The following HTRA1 variants were observed in gnomAD, a reference collection of about 807,000 sequenced individuals.
The protein encoded by HTRA1 is HtrA serine peptidase 1, also known as serine protease HTRA1.
A neutral mutation model predicts 49.7 loss-of-function variants in HTRA1; 26 were observed. The ratio of observed to expected loss-of-function variants is 0.52; its 90% CI spans 0.38 to 0.73. The LOEUF (loss-of-function observed/expected upper bound fraction) is 0.73. HTRA1 is among the 30% of genes least tolerant of loss of function. HTRA1 has a pLI of 0.00. For synonymous variants in HTRA1, 291 were observed against 286.9 expected, an observed-to-expected ratio of 1.01 and a Z score of -0.14; for missense variants, 561 against 667.2, an observed-to-expected ratio of 0.84 and a Z score of 1.75.
chr10:122,473,246 C>T (rs2097486931), intron 1 of HTRA1, among the ~76,000 whole-genome samples: 1 of 152,066 alleles, frequency 6.6e-6, no homozygotes, highest in African/African-American at 2.4e-5. Flanking sequence ...GTCGGCTTGT[C>T]CTTCTAACAC....
At chr10:122,501,760 G>A (rs1394857588) in intron 3 of HTRA1, among the ~76,000 whole-genome samples, 2 of 152,202 alleles carry the variant, frequency 1.3e-5, no homozygotes, top group Non-Finnish European at 1.5e-5. Flanking sequence ...TGCTTCCACA[G>A]CATGGTCATG....
chr10:122,492,304 C>T (rs1019457459), intron 3 of HTRA1, among the ~76,000 whole-genome samples: 2 of 152,090 alleles, frequency 1.3e-5, no homozygotes, highest in African/African-American at 4.8e-5. Flanking sequence ...CTTGGAGGGG[C>T]CCCCGTTGTC....
chr10:122,500,869 C>T lies in HTRA1; in HGVS notation c.778-5822C>T, dbSNP rs189795502. ...CGTGCACAGACCTCCCCTCCCTTCCCGTGGTGGGCCCCTGCTTGGGTTCTT... is the reference window on the plus strand; with the variant it reads ...CGTGCACAGACCTCCCCTCCCTTCCTGTGGTGGGCCCCTGCTTGGGTTCTT... On this transcript the variant is annotated intron_variant, in intron 3 of 8. Transcript: ENST00000368984. 2.5e-4 allele frequency among the ~76,000 whole-genome samples: 38 copies of T among 152,294 alleles called. 1 individual carries two copies. Among genetic ancestry groups the T allele is most frequent in the Admixed American group, 1.4e-3 (22 of 15,308 alleles).
At chr10:122,489,091 G>A (rs1385218851) in intron 2 of HTRA1, 90 bp downstream of exon 2, 27 of 903,596 alleles carry the variant, frequency 3.0e-5, no homozygotes, top group Non-Finnish European at 4.6e-5. Flanking sequence ...ACATTAAAGT[G>A]TCAAAGTGTC....
At position 122,512,065 on chromosome 10, in the gene HTRA1, C is replaced by G. The variant is rs372750076; in HGVS notation, c.1274C>G (p.Ala425Gly). 6.3e-7 allele frequency: 1 copy of G among 1,594,342 alleles called. No homozygotes were observed. The highest frequency in any genetic ancestry group is 1.3e-5 in the African/African-American group (1 of 74,518). The change falls in exon 8 of 9, where the codon GCT becomes GGT. Residue 425 changes from alanine to glycine, a missense_variant and splice_region_variant. Around this residue, in one of 3 missense-constraint regions of HTRA1, gnomAD observed 179 missense variants for 173.4 expected, o/e 1.03. Coordinates refer to ENST00000368984, the MANE Select transcript of HTRA1 (RefSeq NM_002775.5). Reference sequence around the variant, plus strand: ...GTAATTCCTGATACCCCAGCAGAAGCGTGAGTTGGAGTCGTTTTCTCTTTT... The same window carrying G: ...GTAATTCCTGATACCCCAGCAGAAGGGTGAGTTGGAGTCGTTTTCTCTTTT... The part of the protein sequence containing the change: ...IEVIPDTPAE[A>G]GGLKENDVII...
chr10:122,475,984 G>A (rs2097488290), intron 1 of HTRA1, among the ~76,000 whole-genome samples: 1 of 152,236 alleles, frequency 6.6e-6, no homozygotes, highest in South Asian at 2.1e-4. Context: ...GGAAAGAAAT[G>A]AGTGTTGTGG....
chr10:122,497,326 C>T (rs1462917423), intron 3 of HTRA1, among the ~76,000 whole-genome samples: 1 of 152,126 alleles, frequency 6.6e-6, no homozygotes, highest in Non-Finnish European at 1.5e-5. Context: ...TGTTCATTGA[C>T]CATATCAAAT....
rs762442712 is a variant in HTRA1 at position 122,464,914 on chromosome 10, G to T, written c.472+2790G>T. On this transcript the variant is annotated intron_variant, in intron 1 of 8. Coordinates refer to ENST00000368984, the MANE Select transcript of HTRA1 (RefSeq NM_002775.5). This position sits in a 1 kb window ranked among gnomAD's most constrained non-coding sequence, Gnocchi z 4.8. The stretch of plus-strand genomic sequence containing the variant: ...CCTGGAGTTGGAGCAAGTCATACAC[G>T]GATCTGGAGACAGAGCTCTCGAGGC... 6.6e-6 allele frequency among the ~76,000 whole-genome samples: 1 copy of T among 152,174 alleles called. No homozygotes were observed. Among genetic ancestry groups the T allele is most frequent in the East Asian group, 1.9e-4 (1 of 5,182 alleles).
chr10:122,475,374 C>A (rs896578894), intron 1 of HTRA1, among the ~76,000 whole-genome samples: 3 of 152,178 alleles, frequency 2.0e-5, no homozygotes, highest in Non-Finnish European at 4.4e-5. Flanking sequence ...CAAGTCGAGG[C>A]CAGGCTCCCG....
intron 3 of HTRA1, among the ~76,000 whole-genome samples, chr10:122,504,785 A>G (rs1565432682): frequency 6.6e-6 from 1 of 152,174 alleles, no homozygotes; most frequent in Non-Finnish European, 1.5e-5. Flanking sequence ...CACTGCGCTG[A>G]GCTCGCTGGT....
In HTRA1 at chr10:122,494,307, C is replaced by G. The variant is rs1435062715; in HGVS notation, c.777+4681C>G. 2.0e-5 allele frequency among the ~76,000 whole-genome samples: 3 copies of G among 152,048 alleles called. No individual in the cohort carries two copies. Among genetic ancestry groups the G allele is most frequent in the Non-Finnish European group, 4.4e-5 (3 of 68,002 alleles). ...GTAGGACGTTCACAGCTGTCTGCCCCGGAGGAAGCAAGGGCACCCGCCACA... is the reference window on the plus strand; with the variant it reads ...GTAGGACGTTCACAGCTGTCTGCCCGGGAGGAAGCAAGGGCACCCGCCACA... On this transcript the variant is annotated intron_variant, in intron 3 of 8. Coordinates refer to ENST00000368984, the MANE Select transcript of HTRA1 (RefSeq NM_002775.5). The surrounding 1 kb of genome is among the most constrained non-coding windows in gnomAD (Gnocchi z 4.0).
intron 4 of HTRA1, among the ~76,000 whole-genome samples, 195 bp from the exon 5 acceptor site, chr10:122,507,175 C>T (rs562236287): frequency 3.6e-4 from 55 of 152,214 alleles, no homozygotes; most frequent in African/African-American, 1.3e-3. Flanking sequence ...TCCCTGTTTA[C>T]GGCACCTCTA....
intron 1 of HTRA1, among the ~76,000 whole-genome samples, chr10:122,485,699 A>G (rs1395764090): frequency 1.3e-5 from 2 of 152,196 alleles, no homozygotes; most frequent in Admixed American, 1.3e-4. Context: ...CATTTTACCC[A>G]GCAAAATCCA....
In HTRA1 at chr10:122,489,045, C is replaced by T. The variant is rs1479267064; in HGVS notation, c.572+44C>T. 6.0e-6 allele frequency: 8 copies of T among 1,331,706 alleles called. No individual in the cohort carries two copies. The South Asian group carries it at 8.2e-5, about 14-fold the overall frequency. The allele number at this position is 1,331,706 out of a possible 1,614,324, so 82.5% of individuals were successfully genotyped here. ...TTTCCTATAACCTCCGAAGCTTTCA[C>T]CGCCACTAGCAAAACATGAGAGCTA... On this transcript the variant is annotated intron_variant, in intron 2 of 8. Coordinates refer to ENST00000368984, the MANE Select transcript of HTRA1 (RefSeq NM_002775.5).
rs763566451 is a variant in HTRA1 at position 122,464,955 on chromosome 10, G to A, written c.472+2831G>A. On this transcript the variant is annotated intron_variant, in intron 1 of 8. Transcript: ENST00000368984. The surrounding 1 kb of genome is among the most constrained non-coding windows in gnomAD (Gnocchi z 4.8). ...CTCTCGAGGCAGGAGCGGGTGCTGC[G>A]ATTTCAAATATTATAAGGTGGCTTT... Among the ~76,000 whole-genome samples the A allele has an allele frequency of 6.6e-5, 10 of 152,158 alleles. No homozygotes were observed. Among genetic ancestry groups the A allele is most frequent in the Admixed American group, 1.3e-4 (2 of 15,272 alleles).
chr10:122,514,198 C>G lies in HTRA1; in HGVS notation c.1282C>G (p.Leu428Val), dbSNP rs750454049. The change falls in exon 9 of 9, where the codon CTC (leucine) becomes GTC (valine). Residue 428 changes from leucine to valine, a missense_variant. Leu to Val is a conservative substitution (Grantham distance 32, BLOSUM62 1). Transcript: ENST00000368984. ...IPDTPAEAGGLKENDVIISIN... is the reference protein window; with the variant it reads ...IPDTPAEAGGVKENDVIISIN... ...TTTCCCTTTGTGTTGCAGTGGTGGT[C>G]TCAAGGAAAACGACGTCATAATCAG... The G allele has an allele frequency of 6.2e-7, 1 of 1,613,754 alleles. No individual in the cohort carries two copies. Among genetic ancestry groups the G allele is most frequent in the Non-Finnish European group, 8.5e-7 (1 of 1,179,916 alleles).
In HTRA1 at chr10:122,477,191, T is replaced by G. The variant is rs546098157; in HGVS notation, c.473-11711T>G. Among the ~76,000 whole-genome samples, 174 of 152,172 alleles carry G rather than the reference T, an allele frequency of 1.1e-3. 1 individual carries two copies. The highest frequency in any genetic ancestry group is 4.1e-3 in the African/African-American group (172 of 41,534). ...ACTGTGTTAGCCAGGACGGTCTCGATCTCCTGACCTCATGATCTGCCCACC... is the reference window on the plus strand; with the variant it reads ...ACTGTGTTAGCCAGGACGGTCTCGAGCTCCTGACCTCATGATCTGCCCACC... On this transcript the variant is annotated intron_variant, in intron 1 of 8. Coordinates refer to ENST00000368984, the MANE Select transcript of HTRA1 (RefSeq NM_002775.5).
chr10:122,477,129 G>A (rs1371708964), intron 1 of HTRA1, among the ~76,000 whole-genome samples: 1 of 151,906 alleles, frequency 6.6e-6, no homozygotes, highest in Non-Finnish European at 1.5e-5. Context: ...CACCATGCCT[G>A]GCTAATTTTT....
intron 1 of HTRA1, among the ~76,000 whole-genome samples, chr10:122,486,564 T>C (rs1223566168): frequency 1.3e-5 from 2 of 152,180 alleles, no homozygotes; most frequent in African/African-American, 4.8e-5. Flanking sequence ...CCGATGTCCC[T>C]GTGCCCCATG....
Sources: allele counts gnomAD v4.1 joint callset (sites outside exome capture counted in the v4.1 genomes callset), GRCh38; gene constraint gnomAD v4.1.1; regional missense constraint gnomAD v4.1.1; non-coding constraint Gnocchi (gnomAD v3.1); transcripts MANE v1.5; gene names NCBI Gene and HGNC (gene_info 2026-07-23, HGNC 2026-07-21).